The following IMMP1L variants were observed in gnomAD, a reference collection of about 807,000 sequenced individuals.
The protein encoded by IMMP1L is mitochondrial inner membrane protease subunit 1.
In IMMP1L, 24 loss-of-function variants were observed where a neutral mutation model predicts 21.8. The observed-to-expected ratio is 1.10, with a 90% confidence interval of 0.80 to 1.55. The LOEUF (loss-of-function observed/expected upper bound fraction) is 1.55. IMMP1L is among the 40% of genes most tolerant of loss of function. The pLI, the probability that IMMP1L is intolerant of heterozygous loss-of-function variation, is 0.00. For missense variants in IMMP1L, 195 were observed against 200.7 expected, an observed-to-expected ratio of 0.97 and a Z score of 0.17; for synonymous variants, 46 against 62.8, an observed-to-expected ratio of 0.73 and a Z score of 1.26.
rs897738742 is a variant in IMMP1L at position 31,508,037 on chromosome 11, G to C, written c.-30+1482C>G. The stretch of plus-strand genomic sequence containing the variant: ...GGGGTGGGGGGACAGAGAGCATCAG[G>C]AAGAATAGCTAATGGATGCTGGGCT... On this transcript the variant is annotated intron_variant, in intron 1 of 5. Coordinates refer to ENST00000532287, the MANE Select transcript of IMMP1L (RefSeq NM_001304274.2). Among the ~76,000 whole-genome samples, 7 of 152,248 alleles carry C rather than the reference G, an allele frequency of 4.6e-5. No individual in the cohort carries two copies. In the East Asian group the frequency reaches 1.4e-3, roughly 29 times the overall value.
At chr11:31,477,486 C>G in intron 1 of IMMP1L, 1 of 931,878 alleles carries the variant, frequency 1.1e-6, no homozygotes, top group South Asian at 5.0e-5. Flanking sequence ...AGAGCATATT[C>G]TTTGCCTTGA....
chr11:31,433,144 T>C (rs1952976315), intron 5 of IMMP1L, among the ~76,000 whole-genome samples: 1 of 152,202 alleles, frequency 6.6e-6, no homozygotes, highest in Non-Finnish European at 1.5e-5. Flanking sequence ...CACATGCTTA[T>C]TAAAATATGC....
At chr11:31,464,236 C>T (rs1265482678) in intron 1 of IMMP1L, among the ~76,000 whole-genome samples, 1 of 151,648 alleles carries the variant, frequency 6.6e-6, no homozygotes, top group East Asian at 1.9e-4. Flanking sequence ...AAAAAAAAGC[C>T]TAAGAGTAGT....
At chr11:31,459,768 T>A in intron 3 of IMMP1L, among the ~76,000 whole-genome samples, 1 of 152,138 alleles carries the variant, frequency 6.6e-6, no homozygotes, top group Non-Finnish European at 1.5e-5. Flanking sequence ...CACACAATAT[T>A]TGCCCAGGAG....
chr11:31,496,117 A>G (rs1029154170), intron 1 of IMMP1L, among the ~76,000 whole-genome samples: 1 of 113,374 alleles, frequency 8.8e-6, no homozygotes, highest in Admixed American at 8.5e-5. Context: ...AAAAACCCGC[A>G]AAAAAAAAAA....
chr11:31,471,352 C>T (rs937681219), intron 1 of IMMP1L, among the ~76,000 whole-genome samples: 11 of 152,134 alleles, frequency 7.2e-5, no homozygotes, highest in Admixed American at 5.9e-4. Context: ...TGAAGTGTTC[C>T]CTGACCTCCG....
At chr11:31,489,203 T>A (rs1340223003) in intron 1 of IMMP1L, among the ~76,000 whole-genome samples, 3 of 152,122 alleles carry the variant, frequency 2.0e-5, no homozygotes, top group Non-Finnish European at 4.4e-5. Flanking sequence ...GGCCAAAAAG[T>A]TTTATTTTTA....
chr11:31,501,289 A>C (rs1320207753), intron 1 of IMMP1L, among the ~76,000 whole-genome samples: 1 of 152,206 alleles, frequency 6.6e-6, no homozygotes, highest in Non-Finnish European at 1.5e-5. Flanking sequence ...ATGTGTTGAA[A>C]ATTTAATTCC....
At chr11:31,441,325 CTTT>C (rs755909397) in intron 4 of IMMP1L, among the ~76,000 whole-genome samples, 6 of 118,460 alleles carry the variant, frequency 5.1e-5, no homozygotes, top group Admixed American at 8.3e-5. Context: ...CAGGGTTGGG[CTTT>C]TTTTTTTTTT....
intron 1 of IMMP1L, among the ~76,000 whole-genome samples, chr11:31,496,615 A>ATGTG (rs199866368): frequency 4.1e-4 from 61 of 149,086 alleles, no homozygotes; most frequent in African/African-American, 1.1e-3. Flanking sequence ...ACTGTGATAT[A>ATGTG]TGTGTGTGTG....
chr11:31,506,932 C>G (rs376049418), intron 1 of IMMP1L, among the ~76,000 whole-genome samples: 2 of 151,508 alleles, frequency 1.3e-5, no homozygotes, highest in South Asian at 2.1e-4. Context: ...TGCACTCCAG[C>G]CTGGCAACAG....
chr11:31,498,237 C>A (rs964780827), intron 1 of IMMP1L, among the ~76,000 whole-genome samples: 2 of 151,978 alleles, frequency 1.3e-5, no homozygotes, highest in East Asian at 1.9e-4. Context: ...ATTCTTTGAA[C>A]CTTTCACTTT....
intron 4 of IMMP1L, among the ~76,000 whole-genome samples, chr11:31,442,673 C>T (rs1483900308): frequency 1.3e-5 from 2 of 151,880 alleles, no homozygotes; most frequent in Admixed American, 6.6e-5. Flanking sequence ...CTAAAATGAC[C>T]GCAAAGAAAA....
intron 1 of IMMP1L, chr11:31,473,775 GGTCT>G: frequency 1.0e-6 from 1 of 984,864 alleles, no homozygotes; most frequent in Non-Finnish European, 1.2e-6. Flanking sequence ...TGATTGTTCA[GGTCT>G]GAAATTCCTT....
intron 4 of IMMP1L, among the ~76,000 whole-genome samples, chr11:31,451,477 T>C (rs1485694799): frequency 6.6e-6 from 1 of 152,174 alleles, no homozygotes; most frequent in Non-Finnish European, 1.5e-5. Context: ...ATAATCATGA[T>C]TTGCTACGGG....
intron 5 of IMMP1L, 48 bp downstream of exon 5, chr11:31,433,412 T>G: frequency 9.0e-7 from 1 of 1,117,248 alleles, no homozygotes; most frequent in Non-Finnish European, 1.3e-6. Context: ...GAGAGAAACT[T>G]TTTCTAGCTC....
chr11:31,456,207 T>G, intron 4 of IMMP1L, 53 bp downstream of exon 4: 2 of 1,303,602 alleles, frequency 1.5e-6, no homozygotes, highest in Non-Finnish European at 2.2e-6. Context: ...CAGCACTCAG[T>G]TAATGTTAAT....
chr11:31,466,375 A>C (rs1176541779), intron 1 of IMMP1L, among the ~76,000 whole-genome samples: 1 of 152,056 alleles, frequency 6.6e-6, no homozygotes, highest in African/African-American at 2.4e-5. Context: ...AGAATCAAAA[A>C]ATAATTCTCT....
At chr11:31,507,301 A>C (rs1023469098) in intron 1 of IMMP1L, among the ~76,000 whole-genome samples, 2 of 151,974 alleles carry the variant, frequency 1.3e-5, no homozygotes, top group Non-Finnish European at 2.9e-5. Context: ...ACAAAAGCAT[A>C]TTTATCCTAC....
Sources: gnomAD v4.1 joint callset for allele counts (sites outside exome capture counted in the v4.1 genomes callset) on GRCh38, gnomAD v4.1.1 for gene constraint, MANE v1.5 for transcripts, NCBI Gene and HGNC (gene_info 2026-07-23, HGNC 2026-07-21) for gene names.